STXBP5L: variants seen among roughly 807,000 people sequenced by gnomAD.
The protein encoded by STXBP5L is syntaxin-binding protein 5-like.
Under a neutral mutation model 144.5 loss-of-function variants are expected in STXBP5L, and 65 were observed. The ratio of observed to expected loss-of-function variants is 0.45; its 90% confidence interval spans 0.37 to 0.55. STXBP5L has a LOEUF of 0.55. Among genes scored for constraint, STXBP5L ranks in the 20% least tolerant of loss-of-function variants. STXBP5L has a pLI of 0.00. For synonymous variants in STXBP5L, 505 were observed against 469.6 expected (o/e 1.08, Z -0.97); for missense variants, 1,298 against 1,405.5 (o/e 0.92, Z 1.22).
chr3:121,414,026 A>T (rs1275381090), intron 24 of STXBP5L, among the ~76,000 whole-genome samples: 1 of 152,156 alleles, frequency 6.6e-6, no homozygotes, highest in African/African-American at 2.4e-5. Context: ...ACTTTGGAGC[A>T]TTGTTGTCAG....
chr3:121,014,883 T>G (rs929089294), intron 3 of STXBP5L, among the ~76,000 whole-genome samples: 2 of 151,998 alleles, frequency 1.3e-5, no homozygotes, highest in African/African-American at 2.4e-5. Flanking sequence ...ATATGAGTAA[T>G]AAATTGAAAA....
At chr3:121,065,733 A>C (rs565451781) in intron 5 of STXBP5L, among the ~76,000 whole-genome samples, 1 of 152,208 alleles carries the variant, frequency 6.6e-6, no homozygotes, top group South Asian at 2.1e-4. Context: ...AGAATTAAAA[A>C]ATATATATTA....
chr3:121,303,232 C>T (rs557253093), intron 19 of STXBP5L, among the ~76,000 whole-genome samples: 1 of 152,288 alleles, frequency 6.6e-6, no homozygotes, highest in African/African-American at 2.4e-5. Flanking sequence ...TGAACAGACA[C>T]TTCTCAAAAG....
chr3:121,103,127 T>A (rs1394531672), intron 5 of STXBP5L, among the ~76,000 whole-genome samples: 1 of 152,142 alleles, frequency 6.6e-6, no homozygotes, highest in African/African-American at 2.4e-5. Flanking sequence ...TCACCTACTG[T>A]GGAAAGCAGT....
intron 3 of STXBP5L, among the ~76,000 whole-genome samples, chr3:120,991,676 T>C (rs1292988514): frequency 2.6e-5 from 4 of 152,114 alleles, no homozygotes; most frequent in African/African-American, 9.7e-5. Flanking sequence ...TTCATGTCCT[T>C]TGTAGGGACG....
intron 6 of STXBP5L, among the ~76,000 whole-genome samples, chr3:121,116,713 T>C (rs967144039): frequency 1.7e-4 from 26 of 151,394 alleles, no homozygotes; most frequent in African/African-American, 6.1e-4. Flanking sequence ...ATCCTATAAA[T>C]AATTATGTTT....
chr3:121,407,722 T>C, intron 23 of STXBP5L, 119 bp downstream of exon 23: 1 of 1,350,624 alleles, frequency 7.4e-7, no homozygotes, highest in Non-Finnish European at 1.0e-6. Context: ...TATTGTTTCA[T>C]TATGTTTCTG....
chr3:121,047,427 G>T (rs77996883), intron 5 of STXBP5L, among the ~76,000 whole-genome samples: 15,152 of 152,050 alleles, frequency 0.1, 949 homozygotes, highest in Non-Finnish European at 0.14. Context: ...TGACTGGATG[G>T]TCTATCTAAA....
In STXBP5L at chr3:121,381,365, C is replaced by A. The variant is rs753037766; in HGVS notation, c.2420C>A (p.Ala807Glu). 6.2e-7 allele frequency: 1 copy of A among 1,608,672 alleles called. No individual in the cohort carries two copies. The highest frequency in any genetic ancestry group is 8.5e-7 in the Non-Finnish European group (1 of 1,178,336). ...AGTATTGACAAAGATTCTAAAGAAG[C>A]AATTACAGCACTATACTTCATGGAC... ...ISSIDKDSKE[A>E]ITALYFMDSF... Residue 807 changes from alanine (A) to glutamate (E), a missense_variant, in exon 22 of 27, where the codon GCA becomes GAA. Transcript: ENST00000471454.
At chr3:121,129,846 G>A (rs1053186496) in intron 7 of STXBP5L, among the ~76,000 whole-genome samples, 5 of 151,970 alleles carry the variant, frequency 3.3e-5, no homozygotes, top group Admixed American at 2.6e-4. Context: ...CAGAGGATGG[G>A]AAGAAAATAC....
chr3:121,275,946 T>A (rs2050868694), intron 18 of STXBP5L, among the ~76,000 whole-genome samples: 1 of 152,072 alleles, frequency 6.6e-6, no homozygotes, highest in African/African-American at 2.4e-5. Flanking sequence ...TTACTTTTTA[T>A]CCACTCAGGC....
intron 2 of STXBP5L, among the ~76,000 whole-genome samples, chr3:120,947,930 T>TATATTTATG (rs1710963262): frequency 6.6e-6 from 1 of 151,774 alleles, no homozygotes; most frequent in Non-Finnish European, 1.5e-5. Flanking sequence ...GAGCTTTGTT[T>TATATTTATG]ATATTTATGT....
In STXBP5L at chr3:120,954,950, A is replaced by G. The variant is rs1937857087; in HGVS notation, c.200A>G (p.His67Arg). The G allele has an allele frequency of 1.2e-6, 2 of 1,612,028 alleles. No homozygotes were observed. The highest frequency in any genetic ancestry group is 1.7e-6 in the Non-Finnish European group (2 of 1,178,832). Residue 67 changes from histidine to arginine, a missense_variant, in exon 3 of 27, where the codon CAT (histidine) becomes CGT (arginine). Transcript: ENST00000471454. Reference sequence around the variant, plus strand: ...TTTGCTCTCTTTCAGACAGTTCGGCATGGTTTTCCTCATCAGCCCACAGCA... The same window carrying G: ...TTTGCTCTCTTTCAGACAGTTCGGCGTGGTTTTCCTCATCAGCCCACAGCA... ...EYFQICKTVR[H>R]GFPHQPTALA... is the part of the protein sequence containing the mutation.
intron 12 of STXBP5L, among the ~76,000 whole-genome samples, chr3:121,235,974 G>A (rs562436177): frequency 1.3e-5 from 2 of 152,216 alleles, no homozygotes; most frequent in African/African-American, 2.4e-5. Context: ...AACACAGTGT[G>A]TCAGAAGTTA....
At chr3:121,147,045 C>T (rs908300995) in intron 7 of STXBP5L, among the ~76,000 whole-genome samples, 10 of 151,846 alleles carry the variant, frequency 6.6e-5, no homozygotes, top group African/African-American at 2.4e-4. Context: ...ACTGAGAAAA[C>T]AAACAAACAA....
At chr3:121,147,253 C>T (rs1021608185) in intron 7 of STXBP5L, among the ~76,000 whole-genome samples, 7 of 151,954 alleles carry the variant, frequency 4.6e-5, no homozygotes, top group African/African-American at 1.7e-4. Context: ...AAATAATACA[C>T]AATATGTTCT....
intron 9 of STXBP5L, among the ~76,000 whole-genome samples, chr3:121,163,144 C>G (rs1041728644): frequency 6.6e-6 from 1 of 152,144 alleles, no homozygotes; most frequent in Non-Finnish European, 1.5e-5. Context: ...TAGCACTATT[C>G]ACAATAGCAA....
chr3:121,255,218 T>A (rs766768624), intron 16 of STXBP5L, 106 bp downstream of exon 16: 1 of 709,886 alleles, frequency 1.4e-6, no homozygotes, highest in Non-Finnish European at 2.2e-6. Context: ...GTGCAGTATG[T>A]GGCTAGTAAT....
At chr3:121,389,954 T>A (rs2046534549) in intron 22 of STXBP5L, among the ~76,000 whole-genome samples, 1 of 152,180 alleles carries the variant, frequency 6.6e-6, no homozygotes, top group Non-Finnish European at 1.5e-5. Context: ...TAACCTTCTG[T>A]CTCGTGGATC....
Sources: allele counts gnomAD v4.1 joint callset (sites outside exome capture counted in the v4.1 genomes callset), GRCh38; gene constraint gnomAD v4.1.1; transcripts MANE v1.5; gene names NCBI Gene and HGNC (gene_info 2026-07-23, HGNC 2026-07-21).